The following COL8A1 variants were observed in gnomAD, a reference collection of about 807,000 sequenced individuals.
COL8A1 encodes collagen alpha-1(VIII) chain.
COL8A1 carries 21 observed loss-of-function variants against 42.7 expected under a neutral mutation model. That is an observed-to-expected ratio of 0.49 (90% CI 0.35 to 0.71). COL8A1 has a LOEUF of 0.71. COL8A1 is among the 30% of genes least tolerant of loss of function. The pLI is 0.01. For missense variants in COL8A1, 788 were observed against 962.4 expected (o/e 0.82, Z 2.40); for synonymous variants, 367 against 369.1 (o/e 0.99, Z 0.06).
chr3:99,752,761 A>G (rs1280512083), intron 2 of COL8A1, among the ~76,000 whole-genome samples: 2 of 151,714 alleles, frequency 1.3e-5, no homozygotes, highest in African/African-American at 2.4e-5. Flanking sequence ...ATCATACTCA[A>G]TTTTGTATCA....
At chr3:99,739,697 G>A (rs1265857449) in intron 1 of COL8A1, among the ~76,000 whole-genome samples, 1 of 152,122 alleles carries the variant, frequency 6.6e-6, no homozygotes, top group East Asian at 1.9e-4. Context: ...AAGTCCCTAG[G>A]GTGCAAACAG....
Position 99,769,296 on chromosome 3 carries a change from G to A in COL8A1, c.-3-21384G>A, listed in dbSNP as rs76204457. Reference sequence around the variant, plus strand: ...TTATCCTATCCTCCAACCATTTCCCGAAGGACAAGAGCCATGGGGCTAACC... The same window carrying A: ...TTATCCTATCCTCCAACCATTTCCCAAAGGACAAGAGCCATGGGGCTAACC... On this transcript the variant is annotated intron_variant, in intron 2 of 3. Transcript: ENST00000652472. Among the ~76,000 whole-genome samples the A allele has an allele frequency of 3.3e-3, 510 of 152,306 alleles. 4 individuals carry two copies. The highest frequency in any genetic ancestry group is 0.011 in the African/African-American group (474 of 41,564).
intron 1 of COL8A1, among the ~76,000 whole-genome samples, chr3:99,687,219 C>A (rs902787214): frequency 6.6e-6 from 1 of 152,168 alleles, no homozygotes; most frequent in African/African-American, 2.4e-5. Flanking sequence ...GTTTCCAGGT[C>A]AAAGAATTAA....
chr3:99,764,269 T>C (rs982497176), intron 2 of COL8A1, among the ~76,000 whole-genome samples: 16 of 152,238 alleles, frequency 1.1e-4, no homozygotes, highest in African/African-American at 3.9e-4. Context: ...GTTCTTTGCA[T>C]GTAAGAGGTA....
chr3:99,699,519 C>A (rs1467002635), intron 1 of COL8A1, among the ~76,000 whole-genome samples: 1 of 152,176 alleles, frequency 6.6e-6, no homozygotes, highest in Non-Finnish European at 1.5e-5. Context: ...GGTTATTTTA[C>A]ATGGATATAA....
Position 99,794,165 on chromosome 3 carries a change from G to C in COL8A1, c.329-65G>C. 1 of 1,023,830 alleles carries C rather than the reference G, an allele frequency of 9.8e-7. No individual in the cohort carries two copies. The highest frequency in any genetic ancestry group is 1.4e-6 in the Non-Finnish European group (1 of 700,876). The allele number at this position is 1,023,830 out of a possible 1,614,324, so 63.4% of individuals were successfully genotyped here. A position where few individuals can be genotyped will look rare whatever the true frequency, so the allele number is the denominator to read the frequency against. On this transcript the variant is annotated intron_variant, in intron 3 of 3. Transcript: ENST00000652472. This position sits in a 1 kb window ranked among gnomAD's most constrained non-coding sequence, Gnocchi z 4.3. ...TTGTCAGTACTTCATTGATGTGAGA[G>C]ACAATCTACTAATCAATCTCTCTCT...
intron 2 of COL8A1, among the ~76,000 whole-genome samples, chr3:99,767,305 A>G (rs1018677711): frequency 1.2e-4 from 19 of 152,184 alleles, no homozygotes; most frequent in African/African-American, 4.6e-4. Context: ...TTCATTTAAT[A>G]TTTAACTTTG....
intron 1 of COL8A1, among the ~76,000 whole-genome samples, chr3:99,650,028 A>G (rs112735559): frequency 4.6e-5 from 7 of 152,320 alleles, no homozygotes; most frequent in South Asian, 2.1e-4. Flanking sequence ...TTAGCTTGAC[A>G]GTCGAGTCTC....
chr3:99,653,162 C>CTAATAA (rs1937903425), intron 1 of COL8A1, among the ~76,000 whole-genome samples: 2 of 152,112 alleles, frequency 1.3e-5, no homozygotes, highest in African/African-American at 4.8e-5. Flanking sequence ...TAATGAAAAC[C>CTAATAA]AATTATTGAA....
chr3:99,664,077 G>A (rs562466636), intron 1 of COL8A1, among the ~76,000 whole-genome samples: 4 of 152,142 alleles, frequency 2.6e-5, no homozygotes, highest in Non-Finnish European at 4.4e-5. Flanking sequence ...CTATCCATGG[G>A]ACCAAAGTGG....
intron 1 of COL8A1, among the ~76,000 whole-genome samples, chr3:99,669,696 C>T (rs182228081): frequency 5.8e-4 from 89 of 152,138 alleles, no homozygotes; most frequent in Middle Eastern, 6.8e-3. Flanking sequence ...CCATATAAGT[C>T]AACCTCTATC....
intron 1 of COL8A1, among the ~76,000 whole-genome samples, chr3:99,640,044 T>A (rs1937474887): frequency 1.3e-5 from 2 of 152,212 alleles, no homozygotes; most frequent in Non-Finnish European, 1.5e-5. Context: ...AGCTTTTGCA[T>A]ATCAAAAGTA....
At chr3:99,720,299 A>G (rs1484835784) in intron 1 of COL8A1, among the ~76,000 whole-genome samples, 1 of 152,114 alleles carries the variant, frequency 6.6e-6, no homozygotes, top group Non-Finnish European at 1.5e-5. Context: ...CAGCCTCAGA[A>G]CATTTTATAT....
At chr3:99,752,251 A>G (rs1364228544) in intron 2 of COL8A1, among the ~76,000 whole-genome samples, 2 of 152,200 alleles carry the variant, frequency 1.3e-5, no homozygotes, top group Non-Finnish European at 2.9e-5. Context: ...TAAAGTAGAA[A>G]TAAGAGTAGA....
At chr3:99,704,068 G>T (rs1939614642) in intron 1 of COL8A1, among the ~76,000 whole-genome samples, 1 of 152,102 alleles carries the variant, frequency 6.6e-6, no homozygotes. Flanking sequence ...CTTAAAATTA[G>T]ATGTGTAATG....
chr3:99,790,779 A>T lies in COL8A1; in HGVS notation c.97A>T (p.Ile33Phe). The change falls in exon 3 of 4, where the codon ATC becomes TTC. Residue 33 changes from isoleucine (I) to phenylalanine (F), a missense_variant. Physicochemically the swap from Ile to Phe is conservative, Grantham distance 21. This residue lies in a region of COL8A1 where 421 missense variants were observed against 553.1 expected (regional missense o/e 0.76). Coordinates refer to ENST00000652472, the MANE Select transcript of COL8A1 (RefSeq NM_020351.4). Reference sequence around the variant, plus strand: ...CATTCAGGCTGGTGCCTACTATGGGATCAAGCCGCTGCCACCTCAAATTCC... The same window carrying T: ...CATTCAGGCTGGTGCCTACTATGGGTTCAAGCCGCTGCCACCTCAAATTCC... The part of the protein sequence containing the change: ...RLIQAGAYYG[I>F]KPLPPQIPPQ... 1 of 1,614,112 alleles carries T rather than the reference A, an allele frequency of 6.2e-7. No individual in the cohort carries two copies. The highest frequency in any genetic ancestry group is 8.5e-7 in the Non-Finnish European group (1 of 1,180,018).
At chr3:99,649,183 C>T (rs17777228) in intron 1 of COL8A1, among the ~76,000 whole-genome samples, 15,063 of 151,962 alleles carry the variant, frequency 0.099, 807 homozygotes, top group African/African-American at 0.12. Context: ...CCCAAGCTGC[C>T]TCGTGGATCT....
At chr3:99,736,994 C>A (rs1370365915) in intron 1 of COL8A1, among the ~76,000 whole-genome samples, 1 of 152,174 alleles carries the variant, frequency 6.6e-6, no homozygotes, top group South Asian at 2.1e-4. Flanking sequence ...TAATGGCCTT[C>A]TTTGTCTCTT....
intron 1 of COL8A1, among the ~76,000 whole-genome samples, chr3:99,668,745 A>G (rs1423149427): frequency 6.6e-6 from 1 of 152,098 alleles, no homozygotes; most frequent in Non-Finnish European, 1.5e-5. Context: ...CATACTGTTC[A>G]GAAAAAATTT....
Sources: allele counts gnomAD v4.1 joint callset (sites outside exome capture counted in the v4.1 genomes callset), GRCh38; gene constraint gnomAD v4.1.1; regional missense constraint gnomAD v4.1.1; non-coding constraint Gnocchi (gnomAD v3.1); transcripts MANE v1.5; gene names NCBI Gene and HGNC (gene_info 2026-07-23, HGNC 2026-07-21).